CLIC4: variants seen among roughly 807,000 people sequenced by gnomAD.
The protein encoded by CLIC4 is CLIC family member 4, also known as chloride intracellular channel protein 4.
In CLIC4, 13 loss-of-function variants were observed where a neutral mutation model predicts 24.6. That is an observed-to-expected ratio of 0.53 (90% CI 0.34 to 0.84). The LOEUF is 0.84. Among genes scored for constraint, CLIC4 ranks in the 40% least tolerant of loss-of-function variants. The pLI, the probability that CLIC4 is intolerant of heterozygous loss-of-function variation, is 0.01. For missense variants in CLIC4, 227 were observed against 301.7 expected (o/e 0.75, Z 1.83); for synonymous variants, 104 against 111.3 (o/e 0.93, Z 0.41).
chr1:24,765,498 A>T (rs1638982199), intron 1 of CLIC4, among the ~76,000 whole-genome samples: 1 of 152,178 alleles, frequency 6.6e-6, no homozygotes, highest in Non-Finnish European at 1.5e-5. Context: ...CATATTTTAG[A>T]TTGAAATAAA....
chr1:24,784,256 C>CCT (rs5773104), intron 1 of CLIC4, among the ~76,000 whole-genome samples: 1,801 of 152,146 alleles, frequency 0.012, 32 homozygotes, highest in African/African-American at 0.041. Context: ...TGTTCTAAGT[C>CCT]CTTTATATGT....
At chr1:24,799,722 C>T (rs1639456755) in intron 2 of CLIC4, among the ~76,000 whole-genome samples, 1 of 141,624 alleles carries the variant, frequency 7.1e-6, no homozygotes, top group African/African-American at 2.6e-5. Flanking sequence ...CCCCGCCCGG[C>T]CAGCCGCCCC....
rs532756233 is a variant in CLIC4 at position 24,756,374 on chromosome 1, G to A, written c.72+10749G>A. On this transcript the variant is annotated intron_variant, in intron 1 of 5. Coordinates refer to ENST00000374379, the MANE Select transcript of CLIC4 (RefSeq NM_013943.3). The stretch of plus-strand genomic sequence containing the variant: ...CCTGAGTTCAACATGCATATATTTT[G>A]TACCTTTAAGCATCCTTTCATAGGT... Among the ~76,000 whole-genome samples, 3 of 152,282 alleles carry A rather than the reference G, an allele frequency of 2.0e-5. No homozygotes were observed. The South Asian group carries it at 6.2e-4, about 32-fold the overall frequency.
In CLIC4 at chr1:24,810,970, T is replaced by G. The variant is rs556890779; in HGVS notation, c.183-3124T>G. 2.6e-5 allele frequency among the ~76,000 whole-genome samples: 4 copies of G among 151,832 alleles called. No homozygotes were observed. The South Asian group carries it at 8.3e-4, about 32-fold the overall frequency. On this transcript the variant is annotated intron_variant, in intron 2 of 5. Transcript: ENST00000374379. Reference sequence around the variant, plus strand: ...GGTGTGCGCCTGTAGTCCCAGCTACTTGGGAGGCTGAGGCAGGAGAATGGC... The same window carrying G: ...GGTGTGCGCCTGTAGTCCCAGCTACGTGGGAGGCTGAGGCAGGAGAATGGC...
chr1:24,829,120 G>A (rs976491559), intron 4 of CLIC4, among the ~76,000 whole-genome samples: 3 of 152,122 alleles, frequency 2.0e-5, no homozygotes, highest in Admixed American at 2.0e-4. Flanking sequence ...CCCAGATGCT[G>A]ACAATTTACA....
intron 1 of CLIC4, among the ~76,000 whole-genome samples, chr1:24,770,028 A>T (rs974224528): frequency 9.2e-5 from 14 of 151,822 alleles, no homozygotes; most frequent in East Asian, 1.9e-4. Context: ...AATTTTTTTT[A>T]AATTAATTTT....
intron 2 of CLIC4, among the ~76,000 whole-genome samples, chr1:24,812,196 A>G (rs1639621471): frequency 6.6e-6 from 1 of 152,112 alleles, no homozygotes; most frequent in African/African-American, 2.4e-5. Context: ...TCCTTAGGTA[A>G]TGTAGATTTT....
intron 1 of CLIC4, among the ~76,000 whole-genome samples, chr1:24,779,802 C>G (rs1461597450): frequency 6.6e-6 from 1 of 152,188 alleles, no homozygotes; most frequent in Non-Finnish European, 1.5e-5. Context: ...TCAATTTAAT[C>G]TACACTTTTC....
intron 1 of CLIC4, among the ~76,000 whole-genome samples, chr1:24,786,825 A>G (rs1013270281): frequency 2.0e-5 from 3 of 151,862 alleles, no homozygotes; most frequent in East Asian, 1.9e-4. Flanking sequence ...TCACCATGTT[A>G]GCCAGGATGG....
chr1:24,830,134 A>G (rs556441156), intron 4 of CLIC4, among the ~76,000 whole-genome samples: 1 of 152,308 alleles, frequency 6.6e-6, no homozygotes, highest in Non-Finnish European at 1.5e-5. Context: ...AAATCATACA[A>G]ATAACAGAGA....
intron 1 of CLIC4, among the ~76,000 whole-genome samples, chr1:24,751,609 A>G (rs1345331245): frequency 6.6e-6 from 1 of 152,180 alleles, no homozygotes; most frequent in Non-Finnish European, 1.5e-5. Flanking sequence ...GTTTGGGTAA[A>G]ACTAAATATT....
intron 1 of CLIC4, among the ~76,000 whole-genome samples, chr1:24,764,378 G>T (rs370920417): frequency 6.6e-6 from 1 of 151,650 alleles, no homozygotes; most frequent in Non-Finnish European, 1.5e-5. Flanking sequence ...GGGATTACAG[G>T]TGTGAGCCAC....
chr1:24,800,471 G>GCCCAGCGT (rs1387024653), intron 2 of CLIC4, among the ~76,000 whole-genome samples: 2 of 150,718 alleles, frequency 1.3e-5, no homozygotes, highest in Non-Finnish European at 3.0e-5. Flanking sequence ...CCGGCCAGCC[G>GCCCAGCGT]CCCCGTCCGG....
intron 2 of CLIC4, among the ~76,000 whole-genome samples, chr1:24,799,270 C>T (rs1171534663): frequency 1.3e-5 from 2 of 148,974 alleles, no homozygotes; most frequent in African/African-American, 5.0e-5. Context: ...CGCCCATCGT[C>T]TGAGATGTGG....
At chr1:24,823,945 A>T (rs964502793) in intron 3 of CLIC4, among the ~76,000 whole-genome samples, 1 of 152,152 alleles carries the variant, frequency 6.6e-6, no homozygotes, top group Non-Finnish European at 1.5e-5. Flanking sequence ...AGAATTAAGG[A>T]CTTATCTGAA....
chr1:24,838,315 T>C (rs1639905972), intron 4 of CLIC4, among the ~76,000 whole-genome samples: 1 of 152,174 alleles, frequency 6.6e-6, no homozygotes, highest in Non-Finnish European at 1.5e-5. Flanking sequence ...GAATACATCT[T>C]CCCCCCTTTC....
intron 2 of CLIC4, among the ~76,000 whole-genome samples, chr1:24,802,427 T>A (rs1203231203): frequency 6.6e-6 from 1 of 152,202 alleles, no homozygotes; most frequent in Non-Finnish European, 1.5e-5. Context: ...CAGGGCCTTA[T>A]AATTAGAAAA....
chr1:24,824,479 G>A (rs544794683), intron 3 of CLIC4, among the ~76,000 whole-genome samples: 2 of 152,200 alleles, frequency 1.3e-5, no homozygotes, highest in Non-Finnish European at 2.9e-5. Flanking sequence ...TGTTGGCCAG[G>A]CTAGTCTCGA....
chr1:24,820,124 C>G (rs574377521), intron 3 of CLIC4, among the ~76,000 whole-genome samples: 2 of 132,030 alleles, frequency 1.5e-5, no homozygotes, highest in East Asian at 4.3e-4. Context: ...GTCGCCCAGG[C>G]TGGAGTGCAG....
Sources: allele counts gnomAD v4.1 joint callset (sites outside exome capture counted in the v4.1 genomes callset), GRCh38; gene constraint gnomAD v4.1.1; transcripts MANE v1.5; gene names NCBI Gene and HGNC (gene_info 2026-07-23, HGNC 2026-07-21).